ATP8B2: variants seen among roughly 807,000 people sequenced by gnomAD.
The protein encoded by ATP8B2 is ATPase phospholipid transporting 8B2.
A neutral mutation model predicts 133.4 loss-of-function variants in ATP8B2; 70 were observed. That is an observed-to-expected ratio of 0.52 (90% confidence interval 0.43 to 0.64). ATP8B2 has a LOEUF of 0.64. ATP8B2 is among the 30% of genes least tolerant of loss of function. The pLI, the probability that ATP8B2 is intolerant of heterozygous loss-of-function variation, is 0.00. For missense variants in ATP8B2, 1,101 were observed against 1,535.7 expected, an observed-to-expected ratio of 0.72 and a Z score of 4.73; for synonymous variants, 517 against 589.5, an observed-to-expected ratio of 0.88 and a Z score of 1.78.
chr1:154,337,750 A>G, intron 12 of ATP8B2: 1 of 1,509,244 alleles, frequency 6.6e-7, no homozygotes, highest in Non-Finnish European at 8.8e-7. Flanking sequence ...TATTAGAGAA[A>G]AAAAAATATT....
Position 154,344,376 on chromosome 1 carries a change from C to T in ATP8B2, c.2036-19C>T, listed in dbSNP as rs1558274516. ...CTTGTTGGGTGCCTGTCCGTAGCTCCTGCGTTCTCTCTTGGTAGAGACGGC... is the reference window on the plus strand; with the variant it reads ...CTTGTTGGGTGCCTGTCCGTAGCTCTTGCGTTCTCTCTTGGTAGAGACGGC... On this transcript the variant is annotated intron_variant, in intron 19 of 27. Transcript: ENST00000368489. This position sits in a 1 kb window ranked among gnomAD's most constrained non-coding sequence, Gnocchi z 4.1. 1.2e-6 allele frequency: 2 copies of T among 1,614,174 alleles called. No individual in the cohort carries two copies. Among genetic ancestry groups the T allele is most frequent in the South Asian group, 1.1e-5 (1 of 91,088 alleles).
In ATP8B2 at chr1:154,331,433, C is replaced by G. The variant is rs1355737382; in HGVS notation, c.304-11C>G. ...GGAAGGTGTCTTACCTTTCAGTTTT[C>G]TTCTTTTCAGTTCCGCCACAAGAGC... On this transcript the variant is annotated splice_polypyrimidine_tract_variant and intron_variant, in intron 5 of 27. Coordinates refer to ENST00000368489, the MANE Select transcript of ATP8B2 (RefSeq NM_001370597.1). This position sits in a 1 kb window ranked among gnomAD's most constrained non-coding sequence, Gnocchi z 4.8. The G allele has an allele frequency of 2.5e-6, 4 of 1,613,720 alleles. No homozygotes were observed. Among genetic ancestry groups the G allele is most frequent in the Non-Finnish European group, 3.4e-6 (4 of 1,179,914 alleles).
In ATP8B2 at chr1:154,331,565, T is replaced by C; in HGVS notation, c.366-41T>C. ...GAAGGGGGTCCCTTAGGAACCTCTT[T>C]AGCTCCTGACAGCCTCTTCACTGTC... is the stretch of plus-strand genomic sequence containing the variant. On this transcript the variant is annotated intron_variant, in intron 6 of 27. Transcript: ENST00000368489. The surrounding 1 kb of genome is among the most constrained non-coding windows in gnomAD (Gnocchi z 4.8). 1.2e-6 allele frequency: 2 copies of C among 1,613,488 alleles called. No individual in the cohort carries two copies. Among genetic ancestry groups the C allele is most frequent in the Non-Finnish European group, 8.5e-7 (1 of 1,179,396 alleles).
In ATP8B2 at chr1:154,346,370, A is replaced by G. The variant is rs771557433; in HGVS notation, c.2918A>G (p.Tyr973Cys). ...TCCGTGCTCATGTTCTTCATTCCCT[A>G]TGGGGTGTTTGCTGATGCCACCCGG... ...YTSVLMFFIP[Y>C]GVFADATRDD... The change falls in exon 25 of 28, where the codon TAT becomes TGT. Residue 973 changes from tyrosine (Y) to cysteine (C), a missense_variant. Tyr to Cys is a radical substitution (Grantham distance 194). Coordinates refer to ENST00000368489, the MANE Select transcript of ATP8B2 (RefSeq NM_001370597.1). This position sits in a 1 kb window ranked among gnomAD's most constrained non-coding sequence, Gnocchi z 4.5. 1.9e-5 allele frequency: 31 copies of G among 1,614,106 alleles called. No individual in the cohort carries two copies. The South Asian group carries it at 2.7e-4, about 14-fold the overall frequency.
Position 154,343,484 on chromosome 1 carries a change from C to T in ATP8B2, c.1674C>T (p.Tyr558=). Reference sequence around the variant, plus strand: ...ATCCAGAGGGGAAGATCCGACTCTACTGCAAAGGGGCTGACACTATCCTAC... The same window carrying T: ...ATCCAGAGGGGAAGATCCGACTCTATTGCAAAGGGGCTGACACTATCCTAC... ...VRNPEGKIRL[Y]CKGADTILLD... The change falls in exon 17 of 28, where the codon TAC becomes TAT. Residue 558 remains tyrosine (Y), a synonymous_variant. Transcript: ENST00000368489. The surrounding 1 kb of genome is among the most constrained non-coding windows in gnomAD (Gnocchi z 5.8). 1 of 1,614,158 alleles carries T rather than the reference C, an allele frequency of 6.2e-7. No homozygotes were observed. Among genetic ancestry groups the T allele is most frequent in the Non-Finnish European group, 8.5e-7 (1 of 1,180,044 alleles).
At position 154,345,747 on chromosome 1, in the gene ATP8B2, T is replaced by G; in HGVS notation, c.2695-53T>G. ...GTGACATCAGCTGTCTTCCTGTGCCTGATGTGTAGCAAAGAAAGGTTGCAT... is the reference window on the plus strand; with the variant it reads ...GTGACATCAGCTGTCTTCCTGTGCCGGATGTGTAGCAAAGAAAGGTTGCAT... On this transcript the variant is annotated intron_variant, in intron 23 of 27. Transcript: ENST00000368489. This position sits in a 1 kb window ranked among gnomAD's most constrained non-coding sequence, Gnocchi z 5.6. The G allele has an allele frequency of 6.6e-7, 1 of 1,505,692 alleles. No individual in the cohort carries two copies. The highest frequency in any genetic ancestry group is 9.2e-7 in the Non-Finnish European group (1 of 1,081,842). 93.3% of individuals were successfully genotyped at this position (1,505,692 alleles called of 1,614,324 possible).
At chr1:154,332,296 G>A (rs1686019601) in intron 8 of ATP8B2, among the ~76,000 whole-genome samples, 2 of 152,212 alleles carry the variant, frequency 1.3e-5, no homozygotes, top group African/African-American at 2.4e-5. Context: ...CACTTTGGGA[G>A]GCCAGTGTGG....
chr1:154,343,277 A>G lies in ATP8B2; in HGVS notation c.1618A>G (p.Ile540Val). Residue 540 changes from isoleucine to valine, a missense_variant, in exon 16 of 28, where the codon ATC (isoleucine) becomes GTC (valine). Ile to Val is a conservative substitution (Grantham distance 29, BLOSUM62 3). Transcript: ENST00000368489. The surrounding 1 kb of genome is among the most constrained non-coding windows in gnomAD (Gnocchi z 5.8). ...GCTGGCCATCCTGGACTTCAACAAC[A>G]TCCGCAAGCGGATGTCGGTCATAGG... is the stretch of plus-strand genomic sequence containing the variant. Reference protein sequence around the residue: ...QLLAILDFNNIRKRMSVIVRN... With the variant: ...QLLAILDFNNVRKRMSVIVRN... 3 of 1,613,744 alleles carry G rather than the reference A, an allele frequency of 1.9e-6. No individual in the cohort carries two copies. In the East Asian group the frequency reaches 6.7e-5, roughly 36 times the overall value.
At position 154,344,291 on chromosome 1, in the gene ATP8B2, C is replaced by T. The variant is rs1329796889; in HGVS notation, c.2035+37C>T. 1 of 1,614,122 alleles carries T rather than the reference C, an allele frequency of 6.2e-7. No individual in the cohort carries two copies. Among genetic ancestry groups the T allele is most frequent in the African/African-American group, 1.3e-5 (1 of 75,034 alleles). ...GCAGGGCAGAGCCAGTTGCAACTGA[C>T]AGTAGCCCTGTTGGACCCTTGCATG... On this transcript the variant is annotated intron_variant, in intron 19 of 27. Coordinates refer to ENST00000368489, the MANE Select transcript of ATP8B2 (RefSeq NM_001370597.1). This position sits in a 1 kb window ranked among gnomAD's most constrained non-coding sequence, Gnocchi z 4.1.
In ATP8B2 at chr1:154,344,681, G is replaced by A; in HGVS notation, c.2182G>A (p.Gly728Ser). Reference protein sequence around the residue: ...EKMMDSSRSVGNGFTYQDKLS... With the variant: ...EKMMDSSRSVSNGFTYQDKLS... ...GATGATGGACTCATCCCGCTCCGTA[G>A]GCAACGGCTTCACCTATCAGGACAA... The change falls in exon 21 of 28, where the codon GGC becomes AGC. Residue 728 changes from glycine (G) to serine (S), a missense_variant. Physicochemically the swap from Gly to Ser is moderately conservative, Grantham distance 56. Coordinates refer to ENST00000368489, the MANE Select transcript of ATP8B2 (RefSeq NM_001370597.1). The surrounding 1 kb of genome is among the most constrained non-coding windows in gnomAD (Gnocchi z 4.1). 6.2e-7 allele frequency: 1 copy of A among 1,611,844 alleles called. No individual in the cohort carries two copies.
Position 154,349,090 on chromosome 1 carries a change from G to A in ATP8B2, c.3545G>A (p.Gly1182Asp), listed in dbSNP as rs1304254345. Residue 1182 changes from glycine to aspartate, a missense_variant, in exon 28 of 28, where the codon GGC becomes GAC. By Grantham distance (94) the Gly-to-Asp change is moderately conservative. Coordinates refer to ENST00000368489, the MANE Select transcript of ATP8B2 (RefSeq NM_001370597.1). ...KKSDSASSPS[G>D]GADKPLKG ...AGTGACAGTGCCAGTAGCCCCAGTG[G>A]CGGTGCCGACAAGCCCCTCAAGGGC... 1.2e-6 allele frequency: 2 copies of A among 1,614,016 alleles called. No homozygotes were observed. Among genetic ancestry groups the A allele is most frequent in the Non-Finnish European group, 1.7e-6 (2 of 1,179,972 alleles).
In ATP8B2 at chr1:154,328,835, A is replaced by G. The variant is rs1685883435; in HGVS notation, c.31+663A>G. ...TCCCCGAGCGCCGGCGGCCGGGAGGATGGCCTGGGCTGCGGGTGGGGCGCG... is the reference window on the plus strand; with the variant it reads ...TCCCCGAGCGCCGGCGGCCGGGAGGGTGGCCTGGGCTGCGGGTGGGGCGCG... On this transcript the variant is annotated intron_variant, in intron 2 of 27. Transcript: ENST00000368489. This position sits in a 1 kb window ranked among gnomAD's most constrained non-coding sequence, Gnocchi z 4.6. 9.6e-7 allele frequency: 1 copy of G among 1,046,788 alleles called. No homozygotes were observed. Among genetic ancestry groups the G allele is most frequent in the Admixed American group, 6.0e-5 (1 of 16,694 alleles). 64.8% of individuals were successfully genotyped at this position (1,046,788 alleles called of 1,614,324 possible).
chr1:154,330,649 A>AC, intron 3 of ATP8B2, 166 bp from the exon 4 acceptor site: 1 of 742,270 alleles, frequency 1.3e-6, no homozygotes, highest in East Asian at 2.7e-5. Context: ...GAATACATTG[A>AC]CCCCCTTGAG....
rs1686693862 is a variant in ATP8B2 at position 154,348,938 on chromosome 1, C to T, written c.3393C>T (p.Phe1131=). The T allele has an allele frequency of 3.7e-6, 6 of 1,614,164 alleles. No individual in the cohort carries two copies. The highest frequency in any genetic ancestry group is 5.1e-6 in the Non-Finnish European group (6 of 1,180,058). Reference sequence around the variant, plus strand: ...GCTCCCGGCGCTCCGGCTATGCCTTCTCCCATCAGGAGGGCTTCGGGGAGC... The same window carrying T: ...GCTCCCGGCGCTCCGGCTATGCCTTTTCCCATCAGGAGGGCTTCGGGGAGC... ...RTGSRRSGYA[F]SHQEGFGELI... Residue 1131 remains phenylalanine, a synonymous_variant, in exon 28 of 28, where the codon TTC becomes TTT. Transcript: ENST00000368489.
At chr1:154,339,457 G>A (rs1254868026) in intron 12 of ATP8B2, among the ~76,000 whole-genome samples, 1 of 152,236 alleles carries the variant, frequency 6.6e-6, no homozygotes, top group African/African-American at 2.4e-5. Flanking sequence ...TTACTGGGTG[G>A]TAGCCTGCTC....
intron 27 of ATP8B2, 115 bp from the exon 28 acceptor site, chr1:154,348,725 C>G (rs1481893636): frequency 7.2e-7 from 1 of 1,384,340 alleles, no homozygotes; most frequent in African/African-American, 1.7e-5. Flanking sequence ...GTCCCAGGTG[C>G]TGTGGGTCGG....
intron 12 of ATP8B2, 62 bp downstream of exon 12, chr1:154,337,606 T>C (rs771011120): frequency 9.3e-6 from 15 of 1,614,198 alleles, no homozygotes; most frequent in Admixed American, 1.7e-5. Flanking sequence ...AGAACTTTTC[T>C]TTTCTATGAA....
chr1:154,345,933 G>T lies in ATP8B2; in HGVS notation c.2778+50G>T. 1 of 1,500,770 alleles carries T rather than the reference G, an allele frequency of 6.7e-7. No individual in the cohort carries two copies. The highest frequency in any genetic ancestry group is 9.3e-7 in the Non-Finnish European group (1 of 1,078,224). 93.0% of individuals were successfully genotyped at this position (1,500,770 alleles called of 1,614,324 possible). A position where few individuals can be genotyped will look rare whatever the true frequency, so the allele number is the denominator to read the frequency against. On this transcript the variant is annotated intron_variant, in intron 24 of 27. Coordinates refer to ENST00000368489, the MANE Select transcript of ATP8B2 (RefSeq NM_001370597.1). The surrounding 1 kb of genome is among the most constrained non-coding windows in gnomAD (Gnocchi z 5.6). ...TGGGATGCGGGGAAGGTCACTGCTT[G>T]AAGGAGTCACATAGACGTGGTGTGT...
intron 1 of ATP8B2, among the ~76,000 whole-genome samples, chr1:154,327,379 T>G (rs1056919075): frequency 7.2e-5 from 10 of 138,698 alleles, no homozygotes; most frequent in African/African-American, 2.6e-4. Context: ...GTCTCACTGG[T>G]GCTCCCTAAG....
Sources: allele counts gnomAD v4.1 joint callset (sites outside exome capture counted in the v4.1 genomes callset), GRCh38; gene constraint gnomAD v4.1.1; non-coding constraint Gnocchi (gnomAD v3.1); transcripts MANE v1.5; gene names NCBI Gene and HGNC (gene_info 2026-07-23, HGNC 2026-07-21).